SLC25A43: variants seen among roughly 807,000 people sequenced by gnomAD.
SLC25A43 encodes solute carrier family 25 member 43.
In SLC25A43, 10 loss-of-function variants were observed where a neutral mutation model predicts 22.8. That is an observed-to-expected ratio of 0.44 (90% CI 0.27 to 0.74). The LOEUF (loss-of-function observed/expected upper bound fraction) is 0.74, where lower values mean the gene tolerates loss of function less well. SLC25A43 is among the 30% of genes least tolerant of loss of function. SLC25A43 has a pLI of 0.17. For synonymous variants in SLC25A43, 106 were observed against 121.6 expected (o/e 0.87, Z 0.84); for missense variants, 233 against 279.1 (o/e 0.83, Z 1.18).
rs777474431 is a variant in SLC25A43 at position 119,451,510 on chromosome X, TGA to T, written c.691-495_691-494del. Among the ~76,000 whole-genome samples, 8 of 111,318 alleles carry T rather than the reference TGA, an allele frequency of 7.2e-5. No homozygotes were observed. The South Asian group carries it at 2.3e-3, about 31-fold the overall frequency. ...CAGCCCCAGCTAAGTGCTTCTGTCGTGAGAGTGAAGGAGGAAGGGTTTGGGAA... is the reference window on the plus strand; with the variant it reads ...CAGCCCCAGCTAAGTGCTTCTGTCGTGAGTGAAGGAGGAAGGGTTTGGGAA... On this transcript the variant is annotated intron_variant, in intron 3 of 4. Coordinates refer to ENST00000217909, the MANE Select transcript of SLC25A43 (RefSeq NM_145305.3).
chrX:119,435,457 CTTTTTTTT>C (rs1175233726), intron 3 of SLC25A43, among the ~76,000 whole-genome samples: 47 of 54,711 alleles, frequency 8.6e-4, no homozygotes, highest in African/African-American at 3.0e-3. Context: ...AGATTTTATT[CTTTTTTTT>C]TTTTTTTTTT....
Position 119,454,041 on chromosome X carries a change from C to G in SLC25A43, c.*976C>G, listed in dbSNP as rs1257061463. On this transcript the variant is annotated 3_prime_UTR_variant, in exon 5 of 5. Coordinates refer to ENST00000217909, the MANE Select transcript of SLC25A43 (RefSeq NM_145305.3). ...ATACCATGACTGCTTAATTATCCCC[C>G]CAAAGACCTTCTGATTGAAGTCATG... The G allele has an allele frequency of 8.9e-6, 1 of 112,099 alleles. No individual in the cohort carries two copies. Among genetic ancestry groups the G allele is most frequent in the Non-Finnish European group, 1.9e-5 (1 of 53,182 alleles). 9.2% of individuals were successfully genotyped at this position (112,099 alleles called of 1,213,427 possible).
At chrX:119,399,747 C>G in intron 1 of SLC25A43, 69 bp downstream of exon 1, 1 of 960,753 alleles carries the variant, frequency 1.0e-6, no homozygotes, top group Non-Finnish European at 1.3e-6. Flanking sequence ...CGCGGCCCGA[C>G]GCCGCCCTGC....
intron 3 of SLC25A43, among the ~76,000 whole-genome samples, chrX:119,442,169 G>C (rs1285180996): frequency 1.8e-5 from 2 of 112,430 alleles, no homozygotes; most frequent in Non-Finnish European, 3.8e-5. Flanking sequence ...GGAAACTGCT[G>C]CAACAATCCA....
intron 3 of SLC25A43, among the ~76,000 whole-genome samples, chrX:119,421,743 C>T (rs1481285167): frequency 8.9e-6 from 1 of 111,923 alleles, no homozygotes; most frequent in Non-Finnish European, 1.9e-5. Flanking sequence ...CTTTGTAGAA[C>T]CACAATGGAG....
chrX:119,434,761 A>G (rs2052584957), intron 3 of SLC25A43: 1 of 107,729 alleles, frequency 9.3e-6, no homozygotes, highest in Admixed American at 1.0e-4. Flanking sequence ...GTGGGATTCC[A>G]CCTGTGAATA....
At chrX:119,432,398 C>T (rs1487713574) in intron 3 of SLC25A43, among the ~76,000 whole-genome samples, 1 of 111,330 alleles carries the variant, frequency 9.0e-6, no homozygotes. Flanking sequence ...AGATTGGCCA[C>T]GTATAGCTAA....
At chrX:119,409,308 G>A (rs1211639887) in intron 2 of SLC25A43, among the ~76,000 whole-genome samples, 1 of 109,108 alleles carries the variant, frequency 9.2e-6, no homozygotes, top group Non-Finnish European at 1.9e-5. Flanking sequence ...AGCCTCCCAA[G>A]TAGCTGAGAT....
chrX:119,426,352 A>G, intron 3 of SLC25A43: 1 of 506,962 alleles, frequency 2.0e-6, no homozygotes, highest in Non-Finnish European at 2.4e-6. Flanking sequence ...ATCTGTTTTG[A>G]GGGTAAGAAT....
At chrX:119,406,987 G>T (rs2052303149) in intron 2 of SLC25A43, among the ~76,000 whole-genome samples, 1 of 113,173 alleles carries the variant, frequency 8.8e-6, no homozygotes, top group Non-Finnish European at 1.9e-5. Flanking sequence ...TGCAGAAGGA[G>T]TATTCAGTGT....
intron 3 of SLC25A43, among the ~76,000 whole-genome samples, chrX:119,411,834 T>A (rs911551779): frequency 1.8e-5 from 2 of 111,546 alleles, no homozygotes; most frequent in Non-Finnish European, 3.8e-5. Context: ...TTCACCTACG[T>A]AACAAACCTG....
intron 3 of SLC25A43, among the ~76,000 whole-genome samples, chrX:119,444,876 A>G (rs780141674): frequency 1.8e-4 from 19 of 107,616 alleles, no homozygotes; most frequent in Non-Finnish European, 3.6e-4. Context: ...CTCTACGAAA[A>G]ATACAAAAAT....
intron 1 of SLC25A43, 130 bp from the exon 2 acceptor site, chrX:119,406,330 A>G: frequency 4.2e-6 from 3 of 717,728 alleles, no homozygotes; most frequent in Non-Finnish European, 6.2e-6. Flanking sequence ...GAATGCTTAT[A>G]TAGTACTATA....
intron 3 of SLC25A43, among the ~76,000 whole-genome samples, chrX:119,414,824 T>C (rs1014262208): frequency 9.2e-6 from 1 of 109,151 alleles, no homozygotes; most frequent in African/African-American, 3.3e-5. Context: ...CTCAGCTCAC[T>C]GTAGCCTCGA....
chrX:119,407,932 A>G (rs979647356), intron 2 of SLC25A43, among the ~76,000 whole-genome samples: 1 of 110,301 alleles, frequency 9.1e-6, no homozygotes, highest in African/African-American at 3.3e-5. Flanking sequence ...GGTCCTTACA[A>G]CTCAGACTCT....
chrX:119,447,424 G>GC (rs1206871100), intron 3 of SLC25A43, among the ~76,000 whole-genome samples: 3 of 110,294 alleles, frequency 2.7e-5, no homozygotes, highest in African/African-American at 6.6e-5. Context: ...TCCCACCTCA[G>GC]CCCCCCCAAG....
At chrX:119,426,851 A>T (rs1363049993) in intron 3 of SLC25A43, among the ~76,000 whole-genome samples, 5 of 108,787 alleles carry the variant, frequency 4.6e-5, no homozygotes, top group African/African-American at 1.7e-4. Context: ...ATGTGTTTCC[A>T]TGTTTCCTAT....
chrX:119,447,248 C>T (rs909168405), intron 3 of SLC25A43, among the ~76,000 whole-genome samples: 3 of 111,347 alleles, frequency 2.7e-5, no homozygotes, highest in Admixed American at 9.5e-5. Context: ...GCCACCATGC[C>T]CAGCCCGATT....
chrX:119,427,594 T>C (rs1180049187), intron 3 of SLC25A43, among the ~76,000 whole-genome samples: 1 of 112,177 alleles, frequency 8.9e-6, no homozygotes, highest in Non-Finnish European at 1.9e-5. Flanking sequence ...GTTCATTTAC[T>C]CCAATATGAC....
Sources: gnomAD v4.1 joint callset for allele counts (sites outside exome capture counted in the v4.1 genomes callset) on GRCh38, gnomAD v4.1.1 for gene constraint, MANE v1.5 for transcripts, NCBI Gene and HGNC (gene_info 2026-07-23, HGNC 2026-07-21) for gene names.